The following PDE9A variants were observed in gnomAD, a reference collection of about 807,000 sequenced individuals.
PDE9A encodes phosphodiesterase 9A.
PDE9A carries 60 observed loss-of-function variants against 87.4 expected under a neutral mutation model. The ratio of observed to expected loss-of-function variants is 0.69; its 90% CI spans 0.56 to 0.85. The LOEUF (loss-of-function observed/expected upper bound fraction) is 0.85. Ranked by LOEUF, PDE9A falls within the 40% of genes least tolerant of loss-of-function variation. The pLI, the probability that PDE9A is intolerant of heterozygous loss-of-function variation, is 0.00. For missense variants in PDE9A, 665 were observed against 779.0 expected (o/e 0.85, Z 1.74); for synonymous variants, 272 against 279.4 (o/e 0.97, Z 0.27).
intron 4 of PDE9A, among the ~76,000 whole-genome samples, chr21:42,720,813 C>T (rs562225591): frequency 6.6e-6 from 1 of 152,212 alleles, no homozygotes; most frequent in African/African-American, 2.4e-5. Flanking sequence ...CGAGACCAGC[C>T]TGGCCAACGT....
intron 4 of PDE9A, among the ~76,000 whole-genome samples, chr21:42,707,122 G>A (rs1401655526): frequency 6.6e-6 from 1 of 152,214 alleles, no homozygotes; most frequent in Non-Finnish European, 1.5e-5. Flanking sequence ...TTGTATGAAA[G>A]ATACATGGTG....
chr21:42,670,649 A>G (rs2058489610), intron 1 of PDE9A, among the ~76,000 whole-genome samples: 1 of 146,984 alleles, frequency 6.8e-6, no homozygotes, highest in South Asian at 2.1e-4. Flanking sequence ...ACAAACTATC[A>G]TTCACACACA....
chr21:42,721,468 G>A (rs1302354349), intron 4 of PDE9A, among the ~76,000 whole-genome samples: 1 of 152,204 alleles, frequency 6.6e-6, no homozygotes, highest in African/African-American at 2.4e-5. Flanking sequence ...CCCTTGGCAG[G>A]CAGGACAGGC....
intron 1 of PDE9A, among the ~76,000 whole-genome samples, chr21:42,680,295 G>A (rs910836924): frequency 3.9e-5 from 6 of 152,186 alleles, no homozygotes; most frequent in Admixed American, 2.0e-4. Context: ...GCTAGCCAGC[G>A]GGGCTTAAGG....
At chr21:42,703,228 G>A (rs2146363704) in intron 4 of PDE9A, among the ~76,000 whole-genome samples, 1 of 152,360 alleles carries the variant, frequency 6.6e-6, no homozygotes, top group South Asian at 2.1e-4. Context: ...TCAGACATCA[G>A]GTGCATGAGG....
At chr21:42,732,959 G>T (rs1458644977) in intron 6 of PDE9A, among the ~76,000 whole-genome samples, 8 of 152,152 alleles carry the variant, frequency 5.3e-5, no homozygotes, top group African/African-American at 1.9e-4. Context: ...TAACTGACTG[G>T]GTTGGAGCCT....
Position 42,653,736 on chromosome 21 carries a change from G to GCCCCCCCCCCCC in PDE9A, c.-78_-77insCCCCCCCCCCCC. ...CCGCCCCCCGCCCGCCCCCTCCCCT[G>GCCCCCCCCCCCC]CTCCCCTCCCCCGCCTCCCGCGGCG... On this transcript the variant is annotated 5_prime_UTR_variant, in exon 1 of 20. Coordinates refer to ENST00000291539, the MANE Select transcript of PDE9A (RefSeq NM_002606.3). 5.4e-6 allele frequency: 2 copies of GCCCCCCCCCCCC among 369,122 alleles called. No homozygotes were observed. Among genetic ancestry groups the GCCCCCCCCCCCC allele is most frequent in the East Asian group, 1.8e-4 (1 of 5,580 alleles). The allele number at this position is 369,122 out of a possible 1,614,324, so 22.9% of individuals were successfully genotyped here. A position where few individuals can be genotyped will look rare whatever the true frequency, so the allele number is the denominator to read the frequency against.
chr21:42,724,628 C>A, intron 4 of PDE9A: 1 of 981,618 alleles, frequency 1.0e-6, no homozygotes, highest in Non-Finnish European at 1.2e-6. Flanking sequence ...ACATATATTC[C>A]ATCGGTGTAA....
chr21:42,769,137 G>C lies in PDE9A; in HGVS notation c.1572G>C (p.Met524Ile). Residue 524 changes from methionine to isoleucine, a missense_variant, in exon 17 of 20, where the codon ATG (methionine) becomes ATC (isoleucine). Transcript: ENST00000291539. ...IGFIKFVLIP[M>I]FETVTKLFPM... ...TCATCAAGTTTGTCCTGATCCCAAT[G>C]TTTGAAACAGTGACCAAGGTGAGTA... 1.1e-5 allele frequency: 17 copies of C among 1,613,652 alleles called. No homozygotes were observed. Among genetic ancestry groups the C allele is most frequent in the Non-Finnish European group, 1.4e-5 (17 of 1,179,686 alleles).
chr21:42,662,776 AC>A (rs1370088710), intron 1 of PDE9A, among the ~76,000 whole-genome samples: 1 of 119,264 alleles, frequency 8.4e-6, no homozygotes, highest in Non-Finnish European at 1.6e-5. Context: ...AAGGACACAC[AC>A]CACACACACA....
chr21:42,656,241 G>A (rs2057059985), intron 1 of PDE9A, among the ~76,000 whole-genome samples: 1 of 152,176 alleles, frequency 6.6e-6, no homozygotes, highest in Non-Finnish European at 1.5e-5. Flanking sequence ...AGGAGATAAG[G>A]GATGTGTTGC....
In PDE9A at chr21:42,696,940, A is replaced by C. The variant is rs2060174134; in HGVS notation, c.219-2028A>C. Among the ~76,000 whole-genome samples, 1 of 152,214 alleles carries C rather than the reference A, an allele frequency of 6.6e-6. No homozygotes were observed. Among genetic ancestry groups the C allele is most frequent in the South Asian group, 2.1e-4 (1 of 4,830 alleles). On this transcript the variant is annotated intron_variant, in intron 3 of 19. Coordinates refer to ENST00000291539, the MANE Select transcript of PDE9A (RefSeq NM_002606.3). The surrounding 1 kb of genome is among the most constrained non-coding windows in gnomAD (Gnocchi z 5.1). Reference sequence around the variant, plus strand: ...GCACTTAGGGCCACGCTTCAAGCCCAGTGCCTCTTATGACCAAGTCTCTGG... The same window carrying C: ...GCACTTAGGGCCACGCTTCAAGCCCCGTGCCTCTTATGACCAAGTCTCTGG...
intron 7 of PDE9A, among the ~76,000 whole-genome samples, chr21:42,740,704 G>GTAGATAGATAGA (rs58108928): frequency 0.021 from 2,752 of 133,336 alleles, 44 homozygotes; most frequent in South Asian, 0.023. Flanking sequence ...TAGGTAGGTA[G>GTAGATAGATAGA]TAGATAGATA....
rs540354996 is a variant in PDE9A at position 42,695,954 on chromosome 21, G to A, written c.219-3014G>A. ...GAGTGGCCCAGAAATGCAACCCAAG[G>A]ATCTTGGGCCCAAGGGCCAGGAAGG... On this transcript the variant is annotated intron_variant, in intron 3 of 19. Coordinates refer to ENST00000291539, the MANE Select transcript of PDE9A (RefSeq NM_002606.3). The surrounding 1 kb of genome is among the most constrained non-coding windows in gnomAD (Gnocchi z 4.3). Among the ~76,000 whole-genome samples, 9 of 152,326 alleles carry A rather than the reference G, an allele frequency of 5.9e-5. No individual in the cohort carries two copies. In the South Asian group the frequency reaches 1.7e-3, roughly 28 times the overall value.
intron 1 of PDE9A, among the ~76,000 whole-genome samples, chr21:42,661,193 G>A (rs1177076427): frequency 1.3e-5 from 2 of 151,998 alleles, no homozygotes; most frequent in African/African-American, 2.4e-5. Flanking sequence ...CACCAGGCCC[G>A]GCTAATTTTT....
intron 7 of PDE9A, among the ~76,000 whole-genome samples, chr21:42,738,843 C>T (rs1445157465): frequency 6.6e-6 from 1 of 152,118 alleles, no homozygotes; most frequent in African/African-American, 2.4e-5. Context: ...CCTGTGACCA[C>T]GCCTGGCTAA....
At position 42,702,953 on chromosome 21, in the gene PDE9A, G is replaced by A. The variant is rs2048494159; in HGVS notation, c.262+3942G>A. Among the ~76,000 whole-genome samples, 1 of 152,198 alleles carries A rather than the reference G, an allele frequency of 6.6e-6. No individual in the cohort carries two copies. Among genetic ancestry groups the A allele is most frequent in the African/African-American group, 2.4e-5 (1 of 41,436 alleles). On this transcript the variant is annotated intron_variant, in intron 4 of 19. Transcript: ENST00000291539. The surrounding 1 kb of genome is among the most constrained non-coding windows in gnomAD (Gnocchi z 4.9). ...TAAATCTTGCTCAGGGCGCTGGGTCGAGATCACGAAAGGGAAGTGGCAGCA... is the reference window on the plus strand; with the variant it reads ...TAAATCTTGCTCAGGGCGCTGGGTCAAGATCACGAAAGGGAAGTGGCAGCA...
intron 1 of PDE9A, among the ~76,000 whole-genome samples, chr21:42,662,803 CA>C (rs1452535952): frequency 7.0e-6 from 1 of 142,568 alleles, no homozygotes; most frequent in Non-Finnish European, 1.5e-5. Flanking sequence ...AGCACACACA[CA>C]CCACACACAC....
intron 4 of PDE9A, among the ~76,000 whole-genome samples, chr21:42,707,251 G>A (rs1462305545): frequency 2.0e-5 from 3 of 152,204 alleles, no homozygotes; most frequent in Non-Finnish European, 4.4e-5. Context: ...AGAGGATACC[G>A]GATGCTGCGG....
Sources: gnomAD v4.1 joint callset for allele counts (sites outside exome capture counted in the v4.1 genomes callset) on GRCh38, gnomAD v4.1.1 for gene constraint, Gnocchi (gnomAD v3.1) non-coding constraint, MANE v1.5 for transcripts, NCBI Gene and HGNC (gene_info 2026-07-23, HGNC 2026-07-21) for gene names.